The following SKAP1 variants were observed in gnomAD, a reference collection of about 807,000 sequenced individuals.
SKAP1 encodes the protein src kinase-associated phosphoprotein 1.
SKAP1 carries 44 observed loss-of-function variants against 58.5 expected under a neutral mutation model. The observed-to-expected ratio is 0.75, with a 90% CI of 0.59 to 0.97. The LOEUF is 0.97. SKAP1 is among the 50% of genes least tolerant of loss of function. SKAP1 has a pLI of 0.00. For synonymous variants in SKAP1, 127 were observed against 149.7 expected, an observed-to-expected ratio of 0.85 and a Z score of 1.11; for missense variants, 390 against 435.2, an observed-to-expected ratio of 0.90 and a Z score of 0.92.
In SKAP1 at chr17:48,189,464, T is replaced by C; in HGVS notation, c.317A>G (p.Asp106Gly). ...EDIVKGAQEL[D>G]NVIKQGYLEK... ...CAAGTATCCTTGCTTGATTACGTTA[T>C]CAAGTTCTTGAGCTCCTTTTACGAT... Residue 106 changes from aspartate (D) to glycine (G), a missense_variant, in exon 5 of 13, where the codon GAT becomes GGT. By Grantham distance (94) the Asp-to-Gly change is moderately conservative (BLOSUM62 -1). Transcript: ENST00000336915. The C allele has an allele frequency of 1.9e-6, 3 of 1,613,722 alleles. No homozygotes were observed. The highest frequency in any genetic ancestry group is 1.7e-6 in the Non-Finnish European group (2 of 1,179,916).
intron 9 of SKAP1, among the ~76,000 whole-genome samples, chr17:48,174,517 A>G (rs2064263442): frequency 6.6e-6 from 1 of 152,234 alleles, no homozygotes; most frequent in Admixed American, 6.5e-5. Flanking sequence ...TTGCAACCCC[A>G]GAGTCAAAGA....
At chr17:48,154,063 C>T (rs1450339900) in intron 11 of SKAP1, among the ~76,000 whole-genome samples, 3 of 152,054 alleles carry the variant, frequency 2.0e-5, no homozygotes, top group Admixed American at 6.6e-5. Context: ...TTGGAAAGAA[C>T]GGGGTCAAGG....
At chr17:48,148,139 A>G (rs1194024394) in intron 11 of SKAP1, among the ~76,000 whole-genome samples, 3 of 152,148 alleles carry the variant, frequency 2.0e-5, no homozygotes, top group Non-Finnish European at 4.4e-5. Context: ...GTGGATAATG[A>G]TCAAGCTGAG....
intron 2 of SKAP1, among the ~76,000 whole-genome samples, chr17:48,388,897 T>C (rs1410245599): frequency 2.0e-5 from 3 of 152,204 alleles, no homozygotes. Flanking sequence ...CCAAATTGTT[T>C]GGGCCTTGTG....
chr17:48,385,613 A>C (rs8069796), intron 2 of SKAP1, among the ~76,000 whole-genome samples: 14,076 of 152,178 alleles, frequency 0.092, 995 homozygotes, highest in African/African-American at 0.17. Flanking sequence ...CAAACTTTAA[A>C]AGGGGAGAGG....
chr17:48,325,248 CAAAAAAAAA>C (rs200281665), intron 4 of SKAP1, among the ~76,000 whole-genome samples: 9 of 91,462 alleles, frequency 9.8e-5, no homozygotes, highest in East Asian at 9.2e-4. Flanking sequence ...GACTCCGTCT[CAAAAAAAAA>C]AAAAAAAAAA....
chr17:48,155,642 A>G (rs1000187065), intron 11 of SKAP1, among the ~76,000 whole-genome samples: 2 of 151,348 alleles, frequency 1.3e-5, no homozygotes, highest in African/African-American at 2.4e-5. Context: ...GGATCACCTG[A>G]GGCCAGGAGT....
chr17:48,378,746 A>T (rs1175580808), intron 2 of SKAP1, among the ~76,000 whole-genome samples: 1 of 152,144 alleles, frequency 6.6e-6, no homozygotes, highest in African/African-American at 2.4e-5. Flanking sequence ...ATAATACTGT[A>T]TTAGCATCTT....
chr17:48,230,525 T>G (rs2065114648), intron 4 of SKAP1, among the ~76,000 whole-genome samples: 1 of 152,120 alleles, frequency 6.6e-6, no homozygotes. Context: ...GAGGCTGAGG[T>G]GGGCAGATCG....
intron 4 of SKAP1, among the ~76,000 whole-genome samples, chr17:48,272,228 T>C (rs1268887877): frequency 2.0e-5 from 3 of 151,344 alleles, no homozygotes; most frequent in African/African-American, 7.3e-5. Flanking sequence ...GTCTACTGGG[T>C]TCAAGAAATT....
intron 9 of SKAP1, among the ~76,000 whole-genome samples, chr17:48,178,600 A>G (rs2064323231): frequency 2.0e-5 from 3 of 152,228 alleles, no homozygotes; most frequent in African/African-American, 7.2e-5. Flanking sequence ...ATTACCCATC[A>G]CTGCTCGTTG....
At chr17:48,316,550 TAC>T (rs907680881) in intron 4 of SKAP1, among the ~76,000 whole-genome samples, 2 of 152,190 alleles carry the variant, frequency 1.3e-5, no homozygotes, top group African/African-American at 2.4e-5. Context: ...TCAGACCATT[TAC>T]CATGGCTTGA....
At chr17:48,293,465 A>ATTGAGATT (rs2065923907) in intron 4 of SKAP1, among the ~76,000 whole-genome samples, 1 of 152,180 alleles carries the variant, frequency 6.6e-6, no homozygotes, top group Admixed American at 6.5e-5. Context: ...ATGCCTATAA[A>ATTGAGATT]TTGAGATTTA....
rs1349922468 is a variant in SKAP1 at position 48,316,532 on chromosome 17, GT to G, written c.280+29372del. On this transcript the variant is annotated intron_variant, in intron 4 of 12. Coordinates refer to ENST00000336915, the MANE Select transcript of SKAP1 (RefSeq NM_003726.4). ...TCTGCCTTTCAGTCTTTTTTGTTGT[GT>G]TTAGTTTCAGACCATTTACCATGGC... 3.3e-5 allele frequency among the ~76,000 whole-genome samples: 5 copies of G among 151,942 alleles called. No homozygotes were observed. The East Asian group carries it at 9.6e-4, about 29-fold the overall frequency.
intron 8 of SKAP1, among the ~76,000 whole-genome samples, chr17:48,181,696 G>A (rs1262553227): frequency 3.3e-5 from 5 of 152,160 alleles, no homozygotes; most frequent in Admixed American, 2.0e-4. Context: ...GCAGAACAGA[G>A]GTAGGGTCCT....
chr17:48,136,965 G>A, intron 12 of SKAP1: 4 of 306,414 alleles, frequency 1.3e-5, no homozygotes, highest in South Asian at 1.1e-4. Flanking sequence ...CACTGTGCCT[G>A]GCTTTCTGTG....
At chr17:48,407,395 C>T (rs1269047535) in intron 1 of SKAP1, among the ~76,000 whole-genome samples, 1 of 152,188 alleles carries the variant, frequency 6.6e-6, no homozygotes, top group Non-Finnish European at 1.5e-5. Flanking sequence ...TCTCTGGATT[C>T]ACAAGCCTCT....
intron 4 of SKAP1, among the ~76,000 whole-genome samples, chr17:48,270,830 C>T (rs998711048): frequency 1.3e-5 from 2 of 152,018 alleles, no homozygotes; most frequent in African/African-American, 4.8e-5. Context: ...TAACAAATCT[C>T]CCACTGATGG....
At chr17:48,400,467 T>C (rs1183980519) in intron 1 of SKAP1, among the ~76,000 whole-genome samples, 24 of 152,060 alleles carry the variant, frequency 1.6e-4, no homozygotes, top group Admixed American at 1.6e-3. Flanking sequence ...CCATTTAAGA[T>C]AGCATGTAGG....
Sources: gnomAD v4.1 joint callset for allele counts (sites outside exome capture counted in the v4.1 genomes callset) on GRCh38, gnomAD v4.1.1 for gene constraint, MANE v1.5 for transcripts, NCBI Gene and HGNC (gene_info 2026-07-23, HGNC 2026-07-21) for gene names.